Variants in NIPAL2 observed in about 807,000 individuals in gnomAD.
The protein encoded by NIPAL2 is NIPA like domain containing 2.
NIPAL2 carries 43 observed loss-of-function variants against 48.9 expected under a neutral mutation model. That is an observed-to-expected ratio of 0.88 (90% CI 0.69 to 1.13). The LOEUF (loss-of-function observed/expected upper bound fraction) is 1.13, where lower values mean the gene tolerates loss of function less well. Ranked by LOEUF, NIPAL2 falls within the 50% of genes most tolerant of loss-of-function variation. The probability of loss-of-function intolerance (pLI) is 0.00; values close to 1 mark genes in which losing one functional copy is unlikely to be tolerated. For synonymous variants in NIPAL2, 167 were observed against 174.6 expected, an observed-to-expected ratio of 0.96 and a Z score of 0.34; for missense variants, 446 against 461.4, an observed-to-expected ratio of 0.97 and a Z score of 0.31.
chr8:98,257,263 G>C (rs1042766197), intron 1 of NIPAL2, among the ~76,000 whole-genome samples: 5 of 152,012 alleles, frequency 3.3e-5, no homozygotes, highest in East Asian at 3.9e-4. Flanking sequence ...ATTCCAGCCT[G>C]ACTCTAGTAT....
intron 6 of NIPAL2, among the ~76,000 whole-genome samples, chr8:98,206,567 A>T (rs920183845): frequency 2.0e-5 from 3 of 152,012 alleles, no homozygotes; most frequent in African/African-American, 7.2e-5. Context: ...CGGGCGGATC[A>T]TGAGGTCAGG....
chr8:98,222,677 C>T (rs759361298), intron 4 of NIPAL2, 77 bp from the exon 5 acceptor site: 32 of 1,418,600 alleles, frequency 2.3e-5, no homozygotes, highest in Non-Finnish European at 2.0e-5. Context: ...TGCCTAGAGA[C>T]TGCGCATTAC....
intron 7 of NIPAL2, among the ~76,000 whole-genome samples, chr8:98,203,630 G>A (rs866154694): frequency 6.6e-6 from 1 of 152,202 alleles, no homozygotes; most frequent in Non-Finnish European, 1.5e-5. Context: ...CAAAAACAAT[G>A]CTCAGTGCTC....
intron 1 of NIPAL2, among the ~76,000 whole-genome samples, chr8:98,270,792 A>G (rs1463545952): frequency 1.3e-5 from 2 of 151,954 alleles, no homozygotes; most frequent in African/African-American, 2.4e-5. Context: ...CCAGAAGGGT[A>G]TTTCCTAGGT....
chr8:98,289,193 AT>A (rs1367716294), intron 1 of NIPAL2, among the ~76,000 whole-genome samples: 1 of 152,040 alleles, frequency 6.6e-6, no homozygotes, highest in African/African-American at 2.4e-5. Context: ...CCAACTATCC[AT>A]TTTTCCCCTT....
intron 3 of NIPAL2, among the ~76,000 whole-genome samples, chr8:98,245,506 C>T (rs1813264164): frequency 6.6e-6 from 1 of 152,176 alleles, no homozygotes; most frequent in South Asian, 2.1e-4. Flanking sequence ...AATGAAGGAA[C>T]TGTCGTTCAG....
intron 3 of NIPAL2, among the ~76,000 whole-genome samples, chr8:98,249,667 TTAAA>T (rs911678756): frequency 4.1e-5 from 6 of 147,242 alleles, no homozygotes; most frequent in Non-Finnish European, 3.0e-5. Context: ...AATTAATATA[TTAAA>T]TATATATTAA....
chr8:98,216,750 T>A (rs924439425), intron 5 of NIPAL2, among the ~76,000 whole-genome samples: 3 of 152,184 alleles, frequency 2.0e-5, no homozygotes, highest in African/African-American at 7.2e-5. Context: ...AATAATCTTT[T>A]GGAAAATCTG....
intron 8 of NIPAL2, among the ~76,000 whole-genome samples, chr8:98,201,115 T>C (rs1369734966): frequency 6.6e-6 from 1 of 152,190 alleles, no homozygotes; most frequent in Admixed American, 6.5e-5. Flanking sequence ...TTATCAGCAT[T>C]GGATATTGCA....
At chr8:98,241,004 T>G (rs1812953719) in intron 3 of NIPAL2, among the ~76,000 whole-genome samples, 1 of 152,246 alleles carries the variant, frequency 6.6e-6, no homozygotes, top group African/African-American at 2.4e-5. Flanking sequence ...TTGAACATTT[T>G]ATAAACAGTC....
intron 7 of NIPAL2, among the ~76,000 whole-genome samples, chr8:98,204,715 T>G (rs964123786): frequency 1.3e-5 from 2 of 152,042 alleles, no homozygotes; most frequent in African/African-American, 4.8e-5. Context: ...TTAGTGAGCA[T>G]GAGCTAAGAA....
Position 98,237,475 on chromosome 8 carries a change from CT to C in NIPAL2, c.377-1262del, listed in dbSNP as rs796739426. On this transcript the variant is annotated intron_variant, in intron 3 of 10. Transcript: ENST00000430223. ...CTTCCCTCTGACCTCCCATTTCCCC[CT>C]TTTCCCCTTTCCCCATACCACCACC... 3.3e-5 allele frequency among the ~76,000 whole-genome samples: 5 copies of C among 152,188 alleles called. 1 individual carries two copies. Among genetic ancestry groups the C allele is most frequent in the African/African-American group, 1.2e-4 (5 of 41,544 alleles).
chr8:98,207,932 A>AT lies in NIPAL2; in HGVS notation c.656-2687dup, dbSNP rs914458689. Among the ~76,000 whole-genome samples the AT allele has an allele frequency of 1.5e-3, 222 of 149,642 alleles. 1 individual carries two copies. The highest frequency in any genetic ancestry group is 8.2e-3 in the East Asian group (42 of 5,140). On this transcript the variant is annotated intron_variant, in intron 6 of 10. Coordinates refer to ENST00000430223, the MANE Select transcript of NIPAL2 (RefSeq NM_001321635.2). ...ATTTTTGGATATTTAGGTTGTATCC[A>AT]TTTTTTTTTTAACTATTAAAAGCGG...
chr8:98,277,465 A>T (rs1011903786), intron 1 of NIPAL2, among the ~76,000 whole-genome samples: 10 of 152,192 alleles, frequency 6.6e-5, no homozygotes, highest in Admixed American at 6.5e-4. Flanking sequence ...TGAACCTGGG[A>T]AGCAGAGGTT....
chr8:98,244,532 G>C (rs71514983), intron 3 of NIPAL2, among the ~76,000 whole-genome samples: 1 of 93,426 alleles, frequency 1.1e-5, no homozygotes, highest in Non-Finnish European at 2.6e-5. Context: ...AAGGGGGGTG[G>C]GCTGTGATGA....
intron 1 of NIPAL2, among the ~76,000 whole-genome samples, chr8:98,283,472 A>G (rs1393729007): frequency 6.6e-6 from 1 of 152,238 alleles, no homozygotes; most frequent in Non-Finnish European, 1.5e-5. Context: ...TTGAAACAAA[A>G]ACAGACATGC....
intron 5 of NIPAL2, among the ~76,000 whole-genome samples, chr8:98,216,660 A>ATT (rs79053014): frequency 2.0e-5 from 3 of 152,098 alleles, no homozygotes; most frequent in Non-Finnish European, 4.4e-5. Flanking sequence ...TGCTGATTTA[A>ATT]TTTTTTTGTC....
At chr8:98,209,516 G>C (rs1811211069) in intron 6 of NIPAL2, among the ~76,000 whole-genome samples, 1 of 151,250 alleles carries the variant, frequency 6.6e-6, no homozygotes. Flanking sequence ...TACTCAGGAG[G>C]CTGAGGTAGG....
At chr8:98,261,424 A>C (rs1814322546) in intron 1 of NIPAL2, among the ~76,000 whole-genome samples, 1 of 145,034 alleles carries the variant, frequency 6.9e-6, no homozygotes. Context: ...AATACAGAGA[A>C]GTGCTTAAAG....
Sources: gnomAD v4.1 joint callset for allele counts (sites outside exome capture counted in the v4.1 genomes callset) on GRCh38, gnomAD v4.1.1 for gene constraint, MANE v1.5 for transcripts, NCBI Gene and HGNC (gene_info 2026-07-23, HGNC 2026-07-21) for gene names.